The following INTS11 variants were observed in gnomAD, a reference collection of about 807,000 sequenced individuals.
INTS11 encodes the protein CPSF3-like protein.
INTS11 carries 77 observed loss-of-function variants against 78.6 expected under a neutral mutation model. The ratio of observed to expected loss-of-function variants is 0.98; its 90% CI spans 0.81 to 1.18. INTS11 has a LOEUF of 1.18. Ranked by LOEUF, INTS11 falls within the 50% of genes most tolerant of loss-of-function variation. INTS11 has a pLI of 0.00. For missense variants in INTS11, 875 were observed against 825.9 expected (o/e 1.06, Z -0.73); for synonymous variants, 441 against 326.9 (o/e 1.35, Z -3.77).
rs183332018 is a variant in INTS11, at chr1:1,320,384, G to A, written c.200+72C>T. ...CACAGGCCCCTTGCCAAACGCTGCCGAGACCAAGCAAGGTGGCCCAAGCCC... is the reference window on the plus strand; with the variant it reads ...CACAGGCCCCTTGCCAAACGCTGCCAAGACCAAGCAAGGTGGCCCAAGCCC... On this transcript the variant is annotated intron_variant, in intron 3 of 16. Coordinates refer to ENST00000435064, the MANE Select transcript of INTS11 (RefSeq NM_017871.6). 4.4e-4 allele frequency: 649 copies of A among 1,473,434 alleles called. 12 individuals are homozygous for A. In the East Asian group the frequency reaches 0.013, roughly 30 times the overall value. The allele number at this position is 1,473,434 out of a possible 1,614,324, so 91.3% of individuals were successfully genotyped here.
rs763327656 is a variant in INTS11, at chr1:1,312,312, G to C, written c.1521C>G (p.His507Gln). The part of the protein sequence containing the change: ...QALKELGLAE[H>Q]QLRFTCRVHL... Reference sequence around the variant, plus strand: ...GCACGCGGCAGGTGAAGCGCAGCTGGTGCTCAGCCAGACCCAGCTCTTTGA... The same window carrying C: ...GCACGCGGCAGGTGAAGCGCAGCTGCTGCTCAGCCAGACCCAGCTCTTTGA... The change falls in exon 15 of 17, where the codon CAC (histidine) becomes CAG (glutamine). Residue 507 changes from histidine to glutamine, a missense_variant. Physicochemically the swap from His to Gln is conservative, Grantham distance 24. Coordinates refer to ENST00000435064, the MANE Select transcript of INTS11 (RefSeq NM_017871.6). 8.4e-6 allele frequency: 13 copies of C among 1,551,942 alleles called. No individual in the cohort carries two copies. Among genetic ancestry groups the C allele is most frequent in the Admixed American group, 2.0e-5 (1 of 51,186 alleles).
chr1:1,320,489 C>T lies in INTS11; in HGVS notation c.167G>A (p.Arg56His). 5.0e-6 allele frequency: 8 copies of T among 1,613,940 alleles called. No individual in the cohort carries two copies. Among genetic ancestry groups the T allele is most frequent in the Middle Eastern group, 1.7e-4 (1 of 6,060 alleles). Residue 56 changes from arginine (R) to histidine (H), a missense_variant, in exon 3 of 17, where the codon CGC becomes CAC. Arg to His is a conservative substitution (Grantham distance 29). Coordinates refer to ENST00000435064, the MANE Select transcript of INTS11 (RefSeq NM_017871.6). ...CACACAGTCCAGGAAGTCTGTTAGGCGGCCGTTCTGGGTGATGTAGGAGAA... is the reference window on the plus strand; with the variant it reads ...CACACAGTCCAGGAAGTCTGTTAGGTGGCCGTTCTGGGTGATGTAGGAGAA... ...PDFSYITQNGRLTDFLDCVII... is the reference protein window; with the variant it reads ...PDFSYITQNGHLTDFLDCVII...
chr1:1,322,906 C>T, intron 1 of INTS11: 1 of 1,281,660 alleles, frequency 7.8e-7, no homozygotes, highest in Non-Finnish European at 9.9e-7. Context: ...GCTGAGGTGA[C>T]CTTGAGAATA....
rs773578043 is a variant in INTS11, at chr1:1,315,603, C to T, written c.445G>A (p.Glu149Lys). 2 of 1,611,018 alleles carry T rather than the reference C, an allele frequency of 1.2e-6. No individual in the cohort carries two copies. The highest frequency in any genetic ancestry group is 3.3e-5 in the Admixed American group (2 of 59,714). ...TGGCCTGCATAGTAGGCCTTGATCT[C>T]CAGCTCATCATCTACCTGTGGAGGA... is the stretch of plus-strand genomic sequence containing the variant. ...HQTVQVDDEL[E>K]IKAYYAGHVL... The change falls in exon 5 of 17, where the codon GAG (glutamate) becomes AAG (lysine). Residue 149 changes from glutamate to lysine, a missense_variant. Coordinates refer to ENST00000435064, the MANE Select transcript of INTS11 (RefSeq NM_017871.6).
intron 1 of INTS11, among the ~76,000 whole-genome samples, chr1:1,321,681 C>T (rs1642956147): frequency 6.6e-6 from 1 of 152,244 alleles, no homozygotes; most frequent in East Asian, 1.9e-4. Context: ...CACCACTGCA[C>T]ACCATGCAGC....
intron 4 of INTS11, chr1:1,318,560 G>A (rs914679013): frequency 4.3e-5 from 11 of 256,798 alleles, no homozygotes; most frequent in South Asian, 3.3e-4. Context: ...TTGGGAGGCC[G>A]AGGTGGGAGA....
chr1:1,315,852 G>A (rs75731392), intron 4 of INTS11, among the ~76,000 whole-genome samples: 4,467 of 142,124 alleles, frequency 0.031, 179 homozygotes, highest in East Asian at 0.081. Flanking sequence ...GAGGCGGGGC[G>A]GGGAGCGAGG....
In INTS11 at chr1:1,314,269, G is replaced by C. The variant is rs1356956325; in HGVS notation, c.767+32C>G. 6.4e-7 allele frequency: 1 copy of C among 1,559,568 alleles called. No homozygotes were observed. The highest frequency in any genetic ancestry group is 8.7e-7 in the Non-Finnish European group (1 of 1,149,796). On this transcript the variant is annotated intron_variant, in intron 8 of 16. Transcript: ENST00000435064. This position sits in a 1 kb window ranked among gnomAD's most constrained non-coding sequence, Gnocchi z 4.2. Reference sequence around the variant, plus strand: ...GGACTGTGTTCAGGCCGGGCCAGGGGCTCCTTAAAGAGCCGTCCTGGCGGC... The same window carrying C: ...GGACTGTGTTCAGGCCGGGCCAGGGCCTCCTTAAAGAGCCGTCCTGGCGGC...
Position 1,312,973 on chromosome 1 carries a change from C to T in INTS11, c.1132-24G>A, listed in dbSNP as rs78535135. 1.2e-3 allele frequency: 1,959 copies of T among 1,612,028 alleles called. 14 individuals are homozygous for T. The African/African-American group carries it at 0.015, about 12-fold the overall frequency. The stretch of plus-strand genomic sequence containing the variant: ...AGCTACAGAGGCCACGGGGCGTGGA[C>T]AGTGGTTACCACCAGGAGGTGCCCC... On this transcript the variant is annotated intron_variant, in intron 11 of 16. Coordinates refer to ENST00000435064, the MANE Select transcript of INTS11 (RefSeq NM_017871.6).
chr1:1,312,196 A>AGC, intron 15 of INTS11, 30 bp downstream of exon 15: 1 of 1,137,624 alleles, frequency 8.8e-7, no homozygotes, highest in South Asian at 2.2e-5. Flanking sequence ...GGCCCAAGGG[A>AGC]GTGGGGGGGG....
In INTS11 at chr1:1,322,022, C is replaced by A. The variant is rs775378665; in HGVS notation, c.29-929G>T. 56 of 1,279,038 alleles carry A rather than the reference C, an allele frequency of 4.4e-5. 1 individual carries two copies. In the South Asian group the frequency reaches 5.7e-4, roughly 13 times the overall value. The allele number at this position is 1,279,038 out of a possible 1,614,324, so 79.2% of individuals were successfully genotyped here. On this transcript the variant is annotated intron_variant, in intron 1 of 16. Coordinates refer to ENST00000435064, the MANE Select transcript of INTS11 (RefSeq NM_017871.6). The stretch of plus-strand genomic sequence containing the variant: ...GGGGATCTCAGGTTCTCTTCCAGGC[C>A]TGTTCCTGCCCCCGCTGGGTGTGAG...
chr1:1,318,868 C>T, intron 4 of INTS11: 1 of 654,512 alleles, frequency 1.5e-6, no homozygotes, highest in South Asian at 1.7e-5. Flanking sequence ...ACCTTCACTT[C>T]TTCCCTGACC....
chr1:1,313,429 A>C, intron 10 of INTS11, 80 bp downstream of exon 10: 1 of 1,508,058 alleles, frequency 6.6e-7, no homozygotes. Context: ...CAAGCCAGTG[A>C]GAGCTCAGAG....
Position 1,312,213 on chromosome 1 carries a change from G to GTGCGGCCCCCCCCCCCCCCCC in INTS11, c.1607+12_1607+13insGGGGGGGGGGGGGGGGCCGCA. The GTGCGGCCCCCCCCCCCCCCCC allele has an allele frequency of 1.1e-6, 1 of 934,630 alleles. No homozygotes were observed. Among genetic ancestry groups the GTGCGGCCCCCCCCCCCCCCCC allele is most frequent in the Non-Finnish European group, 1.6e-6 (1 of 636,678 alleles). 57.9% of individuals were successfully genotyped at this position (934,630 alleles called of 1,614,324 possible). Reference sequence around the variant, plus strand: ...CCCAAGGGAGTGGGGGGGGGGCGGGGCCGGGCGCCCACCTCTTGAGGTGGC... The same window carrying GTGCGGCCCCCCCCCCCCCCCC: ...CCCAAGGGAGTGGGGGGGGGGCGGGGTGCGGCCCCCCCCCCCCCCCCCCGGGCGCCCACCTCTTGAGGTGGC... On this transcript the variant is annotated intron_variant, in intron 15 of 16. Coordinates refer to ENST00000435064, the MANE Select transcript of INTS11 (RefSeq NM_017871.6).
chr1:1,318,865 C>A, intron 4 of INTS11: 1 of 653,512 alleles, frequency 1.5e-6, no homozygotes, highest in Non-Finnish European at 2.9e-6. Flanking sequence ...TTAACCTTCA[C>A]TTCTTCCCTG....
chr1:1,317,203 A>G (rs1357736684), intron 4 of INTS11: 1 of 151,946 alleles, frequency 6.6e-6, no homozygotes, highest in Non-Finnish European at 1.5e-5. Flanking sequence ...CAGCCTGACC[A>G]ACATGGTGAA....
intron 10 of INTS11, 92 bp downstream of exon 10, chr1:1,313,417 G>T: frequency 6.9e-7 from 1 of 1,450,934 alleles, no homozygotes; most frequent in Non-Finnish European, 9.6e-7. Context: ...CCAGCACGAG[G>T]CCAAGCCAGT....
intron 9 of INTS11, 38 bp downstream of exon 9, chr1:1,313,694 G>C: frequency 6.2e-7 from 1 of 1,609,922 alleles, no homozygotes; most frequent in Admixed American, 1.7e-5. Flanking sequence ...GAGACCGACG[G>C]GTGTGGATGT....
At chr1:1,318,863 C>CACTT (rs1415513103) in intron 4 of INTS11, 1 of 642,928 alleles carries the variant, frequency 1.6e-6, no homozygotes, top group East Asian at 2.8e-5. Context: ...ATTTAACCTT[C>CACTT]ACTTCTTCCC....
Sources: allele counts gnomAD v4.1 joint callset (sites outside exome capture counted in the v4.1 genomes callset), GRCh38; gene constraint gnomAD v4.1.1; non-coding constraint Gnocchi (gnomAD v3.1); transcripts MANE v1.5; gene names NCBI Gene and HGNC (gene_info 2026-07-23, HGNC 2026-07-21).